The following GADL1 variants were observed in gnomAD, a reference collection of about 807,000 sequenced individuals.
GADL1 encodes the protein acidic amino acid decarboxylase GADL1.
A neutral mutation model predicts 69.5 loss-of-function variants in GADL1; 71 were observed. The observed-to-expected ratio is 1.02, with a 90% CI of 0.84 to 1.25. GADL1 has a LOEUF of 1.25. Ranked by LOEUF, GADL1 falls within the 50% of genes most tolerant of loss-of-function variation. The pLI is 0.00. For missense variants in GADL1, 737 were observed against 631.8 expected (o/e 1.17, Z -1.79); for synonymous variants, 254 against 214.4 (o/e 1.18, Z -1.62).
At chr3:30,791,531 T>A (rs1696915480) in intron 12 of GADL1, among the ~76,000 whole-genome samples, 1 of 152,160 alleles carries the variant, frequency 6.6e-6, no homozygotes, top group Admixed American at 6.5e-5. Flanking sequence ...GTATTAACCA[T>A]AGTATCATTT....
chr3:30,848,090 T>G (rs903424), intron 6 of GADL1, among the ~76,000 whole-genome samples: 84,435 of 152,086 alleles, frequency 0.56, 27,159 homozygotes, highest in African/African-American at 0.88. Flanking sequence ...CTGCATTTAT[T>G]ATCCACTGGG....
At chr3:30,878,539 T>C (rs969665473) in intron 1 of GADL1, among the ~76,000 whole-genome samples, 1 of 151,970 alleles carries the variant, frequency 6.6e-6, no homozygotes, top group Admixed American at 6.6e-5. Flanking sequence ...ATATGACTGA[T>C]AGACATTTGA....
intron 11 of GADL1, among the ~76,000 whole-genome samples, chr3:30,829,395 C>A (rs1017683333): frequency 3.3e-5 from 5 of 151,816 alleles, no homozygotes; most frequent in Non-Finnish European, 5.9e-5. Context: ...TTTGTAGGTA[C>A]AAATTGGGGA....
intron 12 of GADL1, among the ~76,000 whole-genome samples, chr3:30,794,171 G>C (rs775026896): frequency 1.3e-5 from 2 of 152,054 alleles, no homozygotes; most frequent in African/African-American, 4.8e-5. Context: ...TACACCCCTC[G>C]GTATCCATGC....
At chr3:30,889,212 GGCAAGACA>G (rs1698751841) in intron 1 of GADL1, among the ~76,000 whole-genome samples, 1 of 151,902 alleles carries the variant, frequency 6.6e-6, no homozygotes, top group Non-Finnish European at 1.5e-5. Flanking sequence ...CATGGTGGGA[GGCAAGACA>G]GCGTGTGCAG....
At chr3:30,728,440 G>A (rs1183795495) in intron 14 of GADL1, 25 bp from the exon 15 acceptor site, 3 of 1,601,086 alleles carry the variant, frequency 1.9e-6, no homozygotes, top group Admixed American at 1.7e-5. Context: ...AAGGGGAGAG[G>A]GGTGAAAGAC....
chr3:30,786,678 G>A (rs1372115456), intron 12 of GADL1, among the ~76,000 whole-genome samples: 1 of 152,208 alleles, frequency 6.6e-6, no homozygotes, highest in Non-Finnish European at 1.5e-5. Flanking sequence ...GATAAAGCAG[G>A]CTGGATATAT....
At chr3:30,836,453 A>G (rs1697876109) in intron 9 of GADL1, among the ~76,000 whole-genome samples, 2 of 151,874 alleles carry the variant, frequency 1.3e-5, no homozygotes, top group Admixed American at 6.6e-5. Context: ...CTGCACTCTA[A>G]TTCCTAACTC....
At chr3:30,880,021 A>G (rs1239851523) in intron 1 of GADL1, among the ~76,000 whole-genome samples, 3 of 138,086 alleles carry the variant, frequency 2.2e-5, no homozygotes, top group African/African-American at 8.7e-5. Context: ...CACTGCTGGC[A>G]TAAAGGAAGG....
At chr3:30,795,880 C>T (rs1201621147) in intron 12 of GADL1, among the ~76,000 whole-genome samples, 1 of 152,088 alleles carries the variant, frequency 6.6e-6, no homozygotes, top group Non-Finnish European at 1.5e-5. Flanking sequence ...TTATGAGTAA[C>T]AGCAGGAAAG....
At position 30,822,646 on chromosome 3, in the gene GADL1, ATTC is replaced by A. The variant is rs369087688; in HGVS notation, c.1050+11204_1050+11206del. On this transcript the variant is annotated intron_variant, in intron 11 of 14. Coordinates refer to ENST00000282538, the MANE Select transcript of GADL1 (RefSeq NM_207359.3). ...CTGGTGTTTTACAACTAATTTTCGC[ATTC>A]TTAATTATGCTTGACTCTGACAGTG... Among the ~76,000 whole-genome samples, 357 of 152,156 alleles carry A rather than the reference ATTC, an allele frequency of 2.3e-3. 1 individual carries two copies. Among genetic ancestry groups the A allele is most frequent in the Middle Eastern group, 3.4e-3 (1 of 294 alleles).
intron 14 of GADL1, among the ~76,000 whole-genome samples, chr3:30,757,780 C>CCT (rs58373892): frequency 0.093 from 14,146 of 152,062 alleles, 1,791 homozygotes; most frequent in African/African-American, 0.29. Flanking sequence ...TTAAACAGTT[C>CCT]TAGTCCGTAT....
At chr3:30,773,601 C>A (rs1696468017) in intron 14 of GADL1, among the ~76,000 whole-genome samples, 1 of 151,882 alleles carries the variant, frequency 6.6e-6, no homozygotes, top group African/African-American at 2.4e-5. Flanking sequence ...TGTTTTAAAC[C>A]CCTTTTTAAT....
At chr3:30,839,805 C>T (rs4992086) in intron 8 of GADL1, among the ~76,000 whole-genome samples, 8,137 of 152,024 alleles carry the variant, frequency 0.054, 731 homozygotes, top group African/African-American at 0.19. Context: ...TGAACGGGTA[C>T]TGGTGGGAAA....
intron 1 of GADL1, among the ~76,000 whole-genome samples, chr3:30,874,467 A>G (rs1410208198): frequency 6.6e-6 from 1 of 151,906 alleles, no homozygotes; most frequent in Non-Finnish European, 1.5e-5. Flanking sequence ...TGGGCCAAGG[A>G]TGTTTTTGGC....
rs1210514315 is a variant in GADL1, at chr3:30,844,204, T to C, written c.786+6A>G. The stretch of plus-strand genomic sequence containing the variant: ...TCTCTCTCCCTCTCGCTTTCTCCCC[T>C]CTCACCTCTTTTCTGGCTTGCCAGA... On this transcript the variant is annotated splice_donor_region_variant and intron_variant, in intron 8 of 14. Transcript: ENST00000282538. The C allele has an allele frequency of 1.9e-6, 3 of 1,610,980 alleles. No homozygotes were observed. Among genetic ancestry groups the C allele is most frequent in the Non-Finnish European group, 1.7e-6 (2 of 1,178,066 alleles).
intron 11 of GADL1, among the ~76,000 whole-genome samples, chr3:30,821,082 C>A (rs904529007): frequency 6.6e-6 from 1 of 151,960 alleles, no homozygotes; most frequent in African/African-American, 2.4e-5. Flanking sequence ...AGACAAAAAA[C>A]CAAACACCAC....
At chr3:30,891,786 G>C (rs1005405023) in intron 1 of GADL1, among the ~76,000 whole-genome samples, 3 of 151,928 alleles carry the variant, frequency 2.0e-5, no homozygotes, top group Non-Finnish European at 4.4e-5. Context: ...GCCTGTTGGG[G>C]GTTTCATTTA....
chr3:30,752,953 T>A (rs1049603570), intron 14 of GADL1, among the ~76,000 whole-genome samples: 1 of 121,344 alleles, frequency 8.2e-6, no homozygotes, highest in Non-Finnish European at 1.7e-5. Context: ...CCTCGTTTTT[T>A]AACTTGGTTT....
Sources: allele counts gnomAD v4.1 joint callset (sites outside exome capture counted in the v4.1 genomes callset), GRCh38; gene constraint gnomAD v4.1.1; transcripts MANE v1.5; gene names NCBI Gene and HGNC (gene_info 2026-07-23, HGNC 2026-07-21).